Variants in ZC2HC1B observed in about 807,000 individuals in gnomAD.
ZC2HC1B encodes the protein zinc finger C2HC domain-containing protein 1B.
A neutral mutation model predicts 31.0 loss-of-function variants in ZC2HC1B; 36 were observed. The ratio of observed to expected loss-of-function variants is 1.16; its 90% CI spans 0.89 to 1.54. The LOEUF (loss-of-function observed/expected upper bound fraction) is 1.54. Among genes scored for constraint, ZC2HC1B ranks in the 40% most tolerant of loss-of-function variants. The pLI, the probability that ZC2HC1B is intolerant of heterozygous loss-of-function variation, is 0.00. For synonymous variants in ZC2HC1B, 73 were observed against 88.0 expected, an observed-to-expected ratio of 0.83 and a Z score of 0.95; for missense variants, 260 against 268.6, an observed-to-expected ratio of 0.97 and a Z score of 0.22.
chr6:143,864,696 T>C, intron 1 of ZC2HC1B, 129 bp downstream of exon 1: 2 of 1,071,356 alleles, frequency 1.9e-6, no homozygotes, highest in Admixed American at 2.5e-5. Flanking sequence ...CTAAGTATTG[T>C]AGGATTTTTA....
At chr6:143,920,126 CT>C (rs1235653705) in intron 6 of ZC2HC1B, among the ~76,000 whole-genome samples, 5 of 151,652 alleles carry the variant, frequency 3.3e-5, no homozygotes, top group African/African-American at 1.2e-4. Context: ...ATTATGGTTT[CT>C]TTTTTTTATT....
chr6:143,905,829 C>A lies in ZC2HC1B; in HGVS notation c.598+2677C>A, dbSNP rs1777787418. On this transcript the variant is annotated intron_variant, in intron 6 of 7. Transcript: ENST00000237275. This position sits in a 1 kb window ranked among gnomAD's most constrained non-coding sequence, Gnocchi z 4.2. ...TTGAGATGATGATGTAATTTTTGTCCTTTATTCTGTAAATGTAGTGTACAT... is the reference window on the plus strand; with the variant it reads ...TTGAGATGATGATGTAATTTTTGTCATTTATTCTGTAAATGTAGTGTACAT... Among the ~76,000 whole-genome samples, 1 of 151,818 alleles carries A rather than the reference C, an allele frequency of 6.6e-6. No individual in the cohort carries two copies. Among genetic ancestry groups the A allele is most frequent in the African/African-American group, 2.4e-5 (1 of 41,338 alleles).
At chr6:143,932,211 T>C (rs2144085) in intron 6 of ZC2HC1B, among the ~76,000 whole-genome samples, 77,714 of 151,946 alleles carry the variant, frequency 0.51, 20,548 homozygotes, top group African/African-American at 0.65. Flanking sequence ...AGATCTCTAG[T>C]GAGCTCAGGG....
In ZC2HC1B at chr6:143,911,300, G is replaced by A. The variant is rs143851491; in HGVS notation, c.598+8148G>A. Among the ~76,000 whole-genome samples the A allele has an allele frequency of 7.4e-3, 1,132 of 152,282 alleles. 11 individuals are homozygous for A. Among genetic ancestry groups the A allele is most frequent in the African/African-American group, 0.026 (1,085 of 41,548 alleles). On this transcript the variant is annotated intron_variant, in intron 6 of 7. Transcript: ENST00000237275. This position sits in a 1 kb window ranked among gnomAD's most constrained non-coding sequence, Gnocchi z 4.5. ...AAATTTAAGGTTAGTATTGTTATGT[G>A]TGAATTAGATCCTGTCATCATGATG...
At chr6:143,898,127 G>C (rs1333480343) in intron 4 of ZC2HC1B, among the ~76,000 whole-genome samples, 1 of 152,240 alleles carries the variant, frequency 6.6e-6, no homozygotes, top group African/African-American at 2.4e-5. Flanking sequence ...TCAAACCAGA[G>C]TTTGGGACCT....
intron 6 of ZC2HC1B, among the ~76,000 whole-genome samples, chr6:143,925,534 TTC>T (rs1778026271): frequency 8.2e-6 from 1 of 122,114 alleles, no homozygotes; most frequent in Non-Finnish European, 1.6e-5. Context: ...TTCTTTTCTT[TTC>T]TTTTTTTTTT....
At chr6:143,920,891 C>T (rs1217938886) in intron 6 of ZC2HC1B, among the ~76,000 whole-genome samples, 2 of 137,882 alleles carry the variant, frequency 1.5e-5, no homozygotes, top group African/African-American at 5.6e-5. Flanking sequence ...GACAACACAG[C>T]GAGAGACTCC....
At chr6:143,901,251 T>C (rs13218817) in intron 5 of ZC2HC1B, among the ~76,000 whole-genome samples, 10 of 73,996 alleles carry the variant, frequency 1.4e-4, no homozygotes, top group Admixed American at 3.4e-4. Flanking sequence ...TCTTTCTTCC[T>C]TTTTTTTTTT....
rs117443932 is a variant in ZC2HC1B, at chr6:143,879,905, A to C, written c.29-4399A>C. On this transcript the variant is annotated intron_variant, in intron 1 of 7. Coordinates refer to ENST00000237275, the MANE Select transcript of ZC2HC1B (RefSeq NM_001013623.3). ...GCACAATCAATCATGGCTCACTGCA[A>C]CCTCAGCCTCCTGGACTCAAGTGAT... 6.8e-3 allele frequency among the ~76,000 whole-genome samples: 979 copies of C among 144,812 alleles called. 8 individuals carry two copies. The highest frequency in any genetic ancestry group is 0.012 in the Non-Finnish European group (776 of 67,090).
In ZC2HC1B at chr6:143,923,049, T is replaced by G. The variant is rs1471929647; in HGVS notation, c.599-14600T>G. Among the ~76,000 whole-genome samples the G allele has an allele frequency of 2.6e-5, 4 of 152,204 alleles. No homozygotes were observed. The highest frequency in any genetic ancestry group is 1.9e-4 in the East Asian group (1 of 5,198). ...TTCTTGCCTTTTTGATAAGAGCCAT[T>G]CTAACAAGGGTAAGATTTTGTCTCA... On this transcript the variant is annotated intron_variant, in intron 6 of 7. Coordinates refer to ENST00000237275, the MANE Select transcript of ZC2HC1B (RefSeq NM_001013623.3). This position sits in a 1 kb window ranked among gnomAD's most constrained non-coding sequence, Gnocchi z 4.8.
In ZC2HC1B at chr6:143,885,843, C is replaced by G. The variant is rs1479029932; in HGVS notation, c.91-189C>G. Among the ~76,000 whole-genome samples the G allele has an allele frequency of 6.6e-6, 1 of 152,176 alleles. No homozygotes were observed. Among genetic ancestry groups the G allele is most frequent in the Non-Finnish European group, 1.5e-5 (1 of 68,034 alleles). On this transcript the variant is annotated intron_variant, in intron 2 of 7. Transcript: ENST00000237275. This position sits in a 1 kb window ranked among gnomAD's most constrained non-coding sequence, Gnocchi z 4.2. ...GCATTTTATTGTCTTTGCTCAAGCA[C>G]AATATCTAGTTATATGTAACATGGA...
Position 143,938,226 on chromosome 6 carries a change from G to A in ZC2HC1B, c.*99G>A, listed in dbSNP as rs1778201120. The A allele has an allele frequency of 6.6e-6, 1 of 152,366 alleles. No homozygotes were observed. The highest frequency in any genetic ancestry group is 2.1e-4 in the South Asian group (1 of 4,842). The allele number at this position is 152,366 out of a possible 1,614,324, so 9.4% of individuals were successfully genotyped here. ...GGAAGGAACGGTAGATGTGATGTCT[G>A]TTTTTACACCCTTGATTCTTCTTGA... On this transcript the variant is annotated 3_prime_UTR_variant, in exon 8 of 8. Coordinates refer to ENST00000237275, the MANE Select transcript of ZC2HC1B (RefSeq NM_001013623.3). This position sits in a 1 kb window ranked among gnomAD's most constrained non-coding sequence, Gnocchi z 4.2.
chr6:143,907,086 C>T (rs1235360209), intron 6 of ZC2HC1B, among the ~76,000 whole-genome samples: 1 of 152,182 alleles, frequency 6.6e-6, no homozygotes, highest in African/African-American at 2.4e-5. Flanking sequence ...CCAGCTCCAT[C>T]CACGTCCCTG....
At chr6:143,919,620 T>C (rs9496814) in intron 6 of ZC2HC1B, among the ~76,000 whole-genome samples, 6,522 of 152,182 alleles carry the variant, frequency 0.043, 345 homozygotes, top group African/African-American at 0.12. Context: ...CTCTGATAGT[T>C]AGAGATTCTT....
chr6:143,901,688 A>AT (rs1319036638), intron 5 of ZC2HC1B, among the ~76,000 whole-genome samples: 4 of 152,146 alleles, frequency 2.6e-5, no homozygotes, highest in Admixed American at 6.5e-5. Flanking sequence ...GGACTTATAG[A>AT]TAAGTGAAGG....
rs1777816775 is a variant in ZC2HC1B at position 143,908,049 on chromosome 6, G to T, written c.598+4897G>T. ...TTAAATAAAGAATTCTTTCCCCATT[G>T]CTTGTTTTTGTCAGGTTTGTTGAAG... On this transcript the variant is annotated intron_variant, in intron 6 of 7. Transcript: ENST00000237275. This position sits in a 1 kb window ranked among gnomAD's most constrained non-coding sequence, Gnocchi z 4.4. Among the ~76,000 whole-genome samples, 1 of 152,110 alleles carries T rather than the reference G, an allele frequency of 6.6e-6. No homozygotes were observed. The highest frequency in any genetic ancestry group is 2.4e-5 in the African/African-American group (1 of 41,406).
At chr6:143,880,640 A>G (rs1484674857) in intron 1 of ZC2HC1B, among the ~76,000 whole-genome samples, 2 of 152,150 alleles carry the variant, frequency 1.3e-5, no homozygotes, top group Non-Finnish European at 2.9e-5. Flanking sequence ...TTTGCAGGTC[A>G]TATGGCCTTC....
intron 5 of ZC2HC1B, among the ~76,000 whole-genome samples, chr6:143,902,148 A>G (rs981171762): frequency 1.3e-5 from 2 of 152,186 alleles, no homozygotes; most frequent in African/African-American, 2.4e-5. Flanking sequence ...ACTGTAGAGT[A>G]TATCTGAACA....
At chr6:143,919,671 T>C (rs1777965753) in intron 6 of ZC2HC1B, among the ~76,000 whole-genome samples, 1 of 152,198 alleles carries the variant, frequency 6.6e-6, no homozygotes, top group Admixed American at 6.5e-5. Context: ...CCACAGGCCA[T>C]GTCCAGATTG....
Sources: gnomAD v4.1 joint callset for allele counts (sites outside exome capture counted in the v4.1 genomes callset) on GRCh38, gnomAD v4.1.1 for gene constraint, Gnocchi (gnomAD v3.1) non-coding constraint, MANE v1.5 for transcripts, NCBI Gene and HGNC (gene_info 2026-07-23, HGNC 2026-07-21) for gene names.